DSCAM: variants seen among roughly 807,000 people sequenced by gnomAD.
DSCAM encodes the protein DS cell adhesion molecule.
A neutral mutation model predicts 217.7 loss-of-function variants in DSCAM; 47 were observed. The ratio of observed to expected loss-of-function variants is 0.22; its 90% CI spans 0.17 to 0.28. DSCAM has a LOEUF of 0.28. Among genes scored for constraint, DSCAM ranks in the 10% least tolerant of loss-of-function variants. The probability of loss-of-function intolerance (pLI) is 1.00; values close to 1 mark genes in which losing one functional copy is unlikely to be tolerated. For synonymous variants in DSCAM, 1,056 were observed against 1,015.3 expected (o/e 1.04, Z -0.76); for missense variants, 2,080 against 2,618.3 (o/e 0.79, Z 4.49).
intron 11 of DSCAM, among the ~76,000 whole-genome samples, chr21:40,269,033 C>T (rs1057290257): frequency 1.3e-5 from 2 of 152,116 alleles, no homozygotes; most frequent in Non-Finnish European, 2.9e-5. Flanking sequence ...CTCCTCATTC[C>T]CCCAGAGCCA....
At chr21:40,338,015 T>G in intron 8 of DSCAM, 86 bp downstream of exon 8, 5 of 1,528,758 alleles carry the variant, frequency 3.3e-6, no homozygotes, top group Non-Finnish European at 2.7e-6. Flanking sequence ...TAAGCAGATC[T>G]TGGATTACCC....
intron 10 of DSCAM, among the ~76,000 whole-genome samples, chr21:40,277,868 CA>C (rs1221895007): frequency 3.0e-3 from 169 of 55,820 alleles, no homozygotes; most frequent in East Asian, 4.9e-3. Context: ...GACTTCGTCT[CA>C]AAAAAAAAAA....
intron 1 of DSCAM, among the ~76,000 whole-genome samples, chr21:40,838,562 A>G (rs1224389327): frequency 6.6e-6 from 1 of 152,252 alleles, no homozygotes; most frequent in Non-Finnish European, 1.5e-5. Flanking sequence ...AGAAAGAACT[A>G]TAAGCTGGCT....
At chr21:40,263,625 G>C (rs1428889648) in intron 11 of DSCAM, among the ~76,000 whole-genome samples, 1 of 151,966 alleles carries the variant, frequency 6.6e-6, no homozygotes, top group Non-Finnish European at 1.5e-5. Context: ...ATCAGAAGTT[G>C]ACAACCTAAC....
chr21:40,815,364 C>T (rs946266010), intron 1 of DSCAM, among the ~76,000 whole-genome samples: 3 of 152,048 alleles, frequency 2.0e-5, no homozygotes, highest in Non-Finnish European at 4.4e-5. Context: ...ACAGATAATG[C>T]CTTAAAGGCA....
At chr21:40,574,698 G>T (rs1452674423) in intron 3 of DSCAM, among the ~76,000 whole-genome samples, 2 of 142,234 alleles carry the variant, frequency 1.4e-5, no homozygotes, top group African/African-American at 5.2e-5. Flanking sequence ...AATCACATAA[G>T]GTGCCTGATT....
At chr21:40,595,691 G>C (rs149696125) in intron 3 of DSCAM, among the ~76,000 whole-genome samples, 6 of 152,278 alleles carry the variant, frequency 3.9e-5, no homozygotes, top group African/African-American at 1.4e-4. Flanking sequence ...ACATACTCTG[G>C]TTCCAATTTA....
intron 21 of DSCAM, among the ~76,000 whole-genome samples, chr21:40,091,949 A>G (rs540299557): frequency 1.3e-5 from 2 of 152,194 alleles, no homozygotes; most frequent in Non-Finnish European, 2.9e-5. Flanking sequence ...CCAAGATGAG[A>G]CTTGGGTGGG....
chr21:40,723,037 A>G (rs540924953), intron 1 of DSCAM, among the ~76,000 whole-genome samples: 5 of 152,244 alleles, frequency 3.3e-5, no homozygotes, highest in Admixed American at 2.6e-4. Flanking sequence ...GCTGGAATTA[A>G]AGTGAAAAAT....
chr21:40,818,605 T>C (rs1210563892), intron 1 of DSCAM, among the ~76,000 whole-genome samples: 1 of 141,408 alleles, frequency 7.1e-6, no homozygotes, highest in Admixed American at 7.1e-5. Flanking sequence ...CATAAGATAG[T>C]TATCCCACGC....
chr21:40,202,288 T>C (rs953490140), intron 11 of DSCAM, among the ~76,000 whole-genome samples: 14 of 152,244 alleles, frequency 9.2e-5, no homozygotes, highest in East Asian at 3.8e-4. Context: ...AGAGTTGTCA[T>C]GTCTGAAGCC....
At chr21:40,373,216 T>C (rs937451063) in intron 3 of DSCAM, among the ~76,000 whole-genome samples, 4 of 152,158 alleles carry the variant, frequency 2.6e-5, no homozygotes, top group African/African-American at 7.2e-5. Flanking sequence ...GAAAGTCAGA[T>C]CTTTAAGATC....
At chr21:40,099,119 G>T (rs2089718688) in intron 20 of DSCAM, among the ~76,000 whole-genome samples, 1 of 152,134 alleles carries the variant, frequency 6.6e-6, no homozygotes, top group South Asian at 2.1e-4. Context: ...AAAGCATTAA[G>T]ATATATTTAT....
At chr21:40,819,598 G>C (rs2091910059) in intron 1 of DSCAM, among the ~76,000 whole-genome samples, 1 of 152,192 alleles carries the variant, frequency 6.6e-6, no homozygotes, top group South Asian at 2.1e-4. Flanking sequence ...CAACCAACGA[G>C]ATCATTGTGG....
At chr21:40,664,373 A>G (rs766984993) in intron 3 of DSCAM, among the ~76,000 whole-genome samples, 1 of 152,126 alleles carries the variant, frequency 6.6e-6, no homozygotes, top group Non-Finnish European at 1.5e-5. Context: ...CTACCTTGCA[A>G]TATCAGAAAT....
chr21:40,137,638 CACACACAT>C (rs200602052), intron 18 of DSCAM, among the ~76,000 whole-genome samples: 17,825 of 141,056 alleles, frequency 0.13, 1,242 homozygotes, highest in African/African-American at 0.2. Flanking sequence ...CACACACACA[CACACACAT>C]TAACTGAAGT....
intron 3 of DSCAM, among the ~76,000 whole-genome samples, chr21:40,425,540 TA>T (rs34317635): frequency 6.9e-4 from 89 of 128,702 alleles, no homozygotes; most frequent in African/African-American, 1.2e-3. Flanking sequence ...TACCCCCCCC[TA>T]AAAAAAAAAA....
At chr21:40,146,406 T>G (rs898462010) in intron 16 of DSCAM, among the ~76,000 whole-genome samples, 4 of 151,980 alleles carry the variant, frequency 2.6e-5, no homozygotes, top group Non-Finnish European at 5.9e-5. Context: ...CTGCCAAATG[T>G]GACCGGGGGA....
At chr21:40,796,355 GT>G (rs2091691987) in intron 1 of DSCAM, among the ~76,000 whole-genome samples, 3 of 152,304 alleles carry the variant, frequency 2.0e-5, no homozygotes, top group Admixed American at 2.0e-4. Flanking sequence ...CTTTAAAGTG[GT>G]TCCCAGAATT....
Sources: allele counts gnomAD v4.1 joint callset (sites outside exome capture counted in the v4.1 genomes callset), GRCh38; gene constraint gnomAD v4.1.1; transcripts MANE v1.5; gene names NCBI Gene and HGNC (gene_info 2026-07-23, HGNC 2026-07-21).